The following KNL1 variants were observed in gnomAD, a reference collection of about 807,000 sequenced individuals.
The protein encoded by KNL1 is outer kinetochore KNL1 complex subunit KNL1.
KNL1 carries 66 observed loss-of-function variants against 201.3 expected under a neutral mutation model. The observed-to-expected ratio is 0.33, with a 90% CI of 0.27 to 0.40. The LOEUF (loss-of-function observed/expected upper bound fraction) is 0.40. Ranked by LOEUF, KNL1 falls within the 10% of genes least tolerant of loss-of-function variation. The pLI is 1.00. For synonymous variants in KNL1, 895 were observed against 899.2 expected (o/e 1.00, Z 0.08); for missense variants, 2,815 against 2,690.5 (o/e 1.05, Z -1.02).
In KNL1 at chr15:40,652,014, G is replaced by A. The variant is rs1351138808; in HGVS notation, c.6324G>A (p.Glu2108=). The A allele has an allele frequency of 6.2e-7, 1 of 1,612,406 alleles. No individual in the cohort carries two copies. Among genetic ancestry groups the A allele is most frequent in the Non-Finnish European group, 8.5e-7 (1 of 1,178,728 alleles). The change falls in exon 21 of 26, where the codon GAG becomes GAA. Residue 2108 remains glutamate, a synonymous_variant. Coordinates refer to ENST00000399668, the MANE Select transcript of KNL1 (RefSeq NM_144508.5). ...EELLDQLSLS[E]WDVVEWSDDQ... ...GTTTATCTCTCTACAGCTTGTCTGA[G>A]TGGGATGTCGTTGAGTGGAGTGATG...
chr15:40,617,762 G>A (rs1342733023), intron 8 of KNL1, among the ~76,000 whole-genome samples: 1 of 151,984 alleles, frequency 6.6e-6, no homozygotes, highest in Admixed American at 6.6e-5. Flanking sequence ...TCCTTGAGGA[G>A]CACAGCTACC....
In KNL1 at chr15:40,606,401, AC is replaced by A; in HGVS notation, c.89del (p.Pro30GlnfsTer21). 2 of 1,569,900 alleles carry A rather than the reference AC, an allele frequency of 1.3e-6. No homozygotes were observed. Among genetic ancestry groups the A allele is most frequent in the Non-Finnish European group, 1.8e-6 (2 of 1,141,392 alleles). On this transcript the variant is annotated frameshift_variant, in exon 4 of 26. Transcript: ENST00000399668. LOFTEE classifies it high-confidence loss of function. ...TCTAATTGTTACCCTAGATATTGAA[AC>A]CCCCAAGGAGTCCTCTTCAGGACCT... The part of the protein sequence containing the change: ...VRRRHSSILK[P>X]PRSPLQDLRG...
At chr15:40,606,186 A>T (rs145540032) in intron 3 of KNL1, among the ~76,000 whole-genome samples, 151 of 152,306 alleles carry the variant, frequency 9.9e-4, no homozygotes, top group Non-Finnish European at 1.7e-3. Flanking sequence ...GAGCGGGTAG[A>T]ATAATTGGAG....
At chr15:40,635,429 A>G (rs542250729) in intron 13 of KNL1, among the ~76,000 whole-genome samples, 1 of 151,502 alleles carries the variant, frequency 6.6e-6, no homozygotes, top group Admixed American at 6.6e-5. Flanking sequence ...ATCTCAGCTT[A>G]CCGCAACCTC....
At chr15:40,605,069 T>C (rs1014941138) in intron 2 of KNL1, 41 bp from the exon 3 acceptor site, 6 of 1,065,856 alleles carry the variant, frequency 5.6e-6, no homozygotes, top group Non-Finnish European at 8.8e-6. Context: ...GAATTCATTT[T>C]TTTAAATCAC....
rs867002883 is a variant in KNL1, at chr15:40,628,679, G to A, written c.5583+1G>A. 1 of 1,561,576 alleles carries A rather than the reference G, an allele frequency of 6.4e-7. No homozygotes were observed. On this transcript the variant is annotated splice_donor_variant, in intron 12 of 25. Transcript: ENST00000399668. LOFTEE classifies it high-confidence loss of function. Reference sequence around the variant, plus strand: ...TATTTGTGAAGAGAGCTTGAGGGAGGTATGTTAAAATTCTTTTTCTTTTTT... The same window carrying A: ...TATTTGTGAAGAGAGCTTGAGGGAGATATGTTAAAATTCTTTTTCTTTTTT...
At chr15:40,656,453 G>A (rs1893736579) in intron 22 of KNL1, among the ~76,000 whole-genome samples, 2 of 151,924 alleles carry the variant, frequency 1.3e-5, no homozygotes, top group African/African-American at 4.8e-5. Flanking sequence ...ATGAAATCCA[G>A]GATTTAAACT....
chr15:40,649,524 G>A (rs1011335694), intron 17 of KNL1, among the ~76,000 whole-genome samples: 22 of 151,524 alleles, frequency 1.5e-4, no homozygotes, highest in Non-Finnish European at 3.2e-4. Context: ...TCAACTCCTG[G>A]CCTCAAGTGA....
At position 40,623,551 on chromosome 15, in the gene KNL1, T is replaced by C. The variant is rs760180785; in HGVS notation, c.3287T>C (p.Ile1096Thr). Residue 1096 changes from isoleucine to threonine, a missense_variant, in exon 10 of 26, where the codon ATA (isoleucine) becomes ACA (threonine). Ile to Thr is a moderately conservative substitution (Grantham distance 89, BLOSUM62 -1). Coordinates refer to ENST00000399668, the MANE Select transcript of KNL1 (RefSeq NM_144508.5). ...ATTACCCAGAGTTGTATGGTGGAAA[T>C]AGATAACGAAAGTGCCCTGGAGGAT... is the stretch of plus-strand genomic sequence containing the variant. Reference protein sequence around the residue: ...MDITQSCMVEIDNESALEDKE... With the variant: ...MDITQSCMVETDNESALEDKE... The C allele has an allele frequency of 6.2e-6, 10 of 1,613,490 alleles. No homozygotes were observed. The East Asian group carries it at 1.6e-4, about 25-fold the overall frequency.
In KNL1 at chr15:40,648,581, C is replaced by T. The variant is rs1292767057; in HGVS notation, c.6094+1507C>T. 2.0e-5 allele frequency among the ~76,000 whole-genome samples: 3 copies of T among 152,120 alleles called. No individual in the cohort carries two copies. The East Asian group carries it at 5.8e-4, about 29-fold the overall frequency. On this transcript the variant is annotated intron_variant, in intron 17 of 25. Transcript: ENST00000399668. ...TGTCTTTGAGGCTCTCTTAACAAGT[C>T]CTGTCATCGGCAGCTTCAGCATCTC...
rs763708209 is a variant in KNL1, at chr15:40,623,672, A to G, written c.3408A>G (p.Leu1136=). ...TCACTAGGAGTCACACAACTGCCTTAGAATGTAAAACTCTCCTGCCAAATG... is the reference window on the plus strand; with the variant it reads ...TCACTAGGAGTCACACAACTGCCTTGGAATGTAAAACTCTCCTGCCAAATG... The part of the protein sequence containing the change: ...MEITRSHTTA[L]ECKTLLPNEI... The change falls in exon 10 of 26, where the codon TTA becomes TTG. Residue 1136 remains leucine (L), a synonymous_variant. Transcript: ENST00000399668. 4.3e-6 allele frequency: 7 copies of G among 1,613,828 alleles called. No homozygotes were observed. The highest frequency in any genetic ancestry group is 5.9e-6 in the Non-Finnish European group (7 of 1,179,906).
At chr15:40,597,332 G>T (rs948865570) in intron 1 of KNL1, among the ~76,000 whole-genome samples, 1 of 152,066 alleles carries the variant, frequency 6.6e-6, no homozygotes, top group Non-Finnish European at 1.5e-5. Context: ...TCAGTTCACT[G>T]CAATCTCTAC....
intron 7 of KNL1, among the ~76,000 whole-genome samples, chr15:40,612,008 C>T (rs1892178866): frequency 6.6e-6 from 1 of 152,018 alleles, no homozygotes; most frequent in South Asian, 2.1e-4. Context: ...GATGAAACCC[C>T]ATCTCTACTA....
rs762140154 is a variant in KNL1 at position 40,624,429 on chromosome 15, C to A, written c.4165C>A (p.Gln1389Lys). The change falls in exon 10 of 26, where the codon CAA (glutamine) becomes AAA (lysine). Residue 1389 changes from glutamine to lysine, a missense_variant. Around this residue, in one of 3 missense-constraint regions of KNL1, gnomAD observed 2,464 missense variants for 2,291.7 expected, o/e 1.08. Coordinates refer to ENST00000399668, the MANE Select transcript of KNL1 (RefSeq NM_144508.5). ...LDCVITLHKD[Q>K]DLIKDPRNLL... is the part of the protein sequence containing the mutation. ...CTGTGTTATAACACTGCACAAAGAT[C>A]AAGATCTGATTAAGGATCCACGAAA... 1.9e-6 allele frequency: 3 copies of A among 1,613,914 alleles called. No individual in the cohort carries two copies. The highest frequency in any genetic ancestry group is 2.5e-6 in the Non-Finnish European group (3 of 1,179,906).
In KNL1 at chr15:40,622,480, G is replaced by A; in HGVS notation, c.2216G>A (p.Ser739Asn). 3 of 1,613,982 alleles carry A rather than the reference G, an allele frequency of 1.9e-6. No individual in the cohort carries two copies. Among genetic ancestry groups the A allele is most frequent in the Non-Finnish European group, 8.5e-7 (1 of 1,179,918 alleles). ...NSKLAEPLRK[S>N]LSNPTPDYCH... ...AAACTGGCTGAGCCACTGAGGAAAA[G>A]TTTAAGCAATCCCACACCTGACTAT... Residue 739 changes from serine (S) to asparagine (N), a missense_variant, in exon 10 of 26, where the codon AGT (serine) becomes AAT (asparagine). Ser to Asn is a conservative substitution (Grantham distance 46). Transcript: ENST00000399668.
intron 13 of KNL1, among the ~76,000 whole-genome samples, chr15:40,637,689 A>G (rs1893098353): frequency 6.6e-6 from 1 of 152,130 alleles, no homozygotes; most frequent in East Asian, 1.9e-4. Flanking sequence ...AGGTAGTGAT[A>G]CCTTTGCTTT....
intron 10 of KNL1, 166 bp downstream of exon 10, chr15:40,625,806 T>C (rs1384527478): frequency 1.8e-6 from 1 of 569,474 alleles, no homozygotes; most frequent in South Asian, 2.4e-5. Context: ...CTTCAGAAAT[T>C]AATTGACTAA....
At position 40,621,660 on chromosome 15, in the gene KNL1, C is replaced by G. The variant is rs1373966965; in HGVS notation, c.1396C>G (p.Pro466Ala). 2 of 1,612,578 alleles carry G rather than the reference C, an allele frequency of 1.2e-6. No homozygotes were observed. Among genetic ancestry groups the G allele is most frequent in the Non-Finnish European group, 1.7e-6 (2 of 1,178,936 alleles). ...DSNYAKMYCN[P>A]DAMSSLTEKT... ...TAATTATGCTAAAATGTATTGCAAT[C>G]CAGATGCTATGTCTTCTCTCACAGA... Residue 466 changes from proline (P) to alanine (A), a missense_variant, in exon 10 of 26, where the codon CCA (proline) becomes GCA (alanine). Physicochemically the swap from Pro to Ala is conservative, Grantham distance 27. This residue lies in a region of KNL1 where 2,464 missense variants were observed against 2,291.7 expected (regional missense o/e 1.08). Transcript: ENST00000399668.
intron 7 of KNL1, among the ~76,000 whole-genome samples, chr15:40,612,348 A>G (rs543261017): frequency 6.7e-6 from 1 of 149,036 alleles, no homozygotes; most frequent in South Asian, 2.2e-4. Flanking sequence ...AAAATTAGCC[A>G]GGTATGGTGG....
Sources: gnomAD v4.1 joint callset for allele counts (sites outside exome capture counted in the v4.1 genomes callset) on GRCh38, gnomAD v4.1.1 for gene constraint, gnomAD v4.1.1 regional missense constraint, MANE v1.5 for transcripts, NCBI Gene and HGNC (gene_info 2026-07-23, HGNC 2026-07-21) for gene names.